Variants in FRMPD3 observed in about 807,000 individuals in gnomAD.
FRMPD3 encodes the protein FERM and PDZ domain containing 3, also known as FERM and PDZ domain-containing protein 3.
In FRMPD3, 42 loss-of-function variants were observed where a neutral mutation model predicts 97.9. The ratio of observed to expected loss-of-function variants is 0.43; its 90% CI spans 0.34 to 0.55. The LOEUF is 0.55. Ranked by LOEUF, FRMPD3 falls within the 20% of genes least tolerant of loss-of-function variation. The pLI is 0.03. For missense variants in FRMPD3, 1,303 were observed against 1,457.7 expected (o/e 0.89, Z 1.73); for synonymous variants, 577 against 581.1 (o/e 0.99, Z 0.10).
intron 14 of FRMPD3, 34 bp downstream of exon 14, chrX:107,598,176 C>G (rs769385201): frequency 2.5e-5 from 28 of 1,120,896 alleles, no homozygotes; most frequent in Non-Finnish European, 3.3e-5. Flanking sequence ...CTTTCCACCC[C>G]CTTCTCTTGT....
At chrX:107,500,265 T>C (rs189716094) in intron 1 of FRMPD3, among the ~76,000 whole-genome samples, 146 of 111,551 alleles carry the variant, frequency 1.3e-3, no homozygotes, top group Non-Finnish European at 2.4e-3. Flanking sequence ...CTAATTATTG[T>C]TGGGTGGGCC....
intron 2 of FRMPD3, among the ~76,000 whole-genome samples, chrX:107,529,953 A>G (rs925896803): frequency 1.8e-5 from 2 of 111,723 alleles, no homozygotes; most frequent in African/African-American, 6.5e-5. Context: ...TGAGTTTGGT[A>G]CCTTTTGCTA....
intron 13 of FRMPD3, among the ~76,000 whole-genome samples, chrX:107,582,091 G>GT (rs1923416297): frequency 9.0e-6 from 1 of 111,049 alleles, no homozygotes; most frequent in Non-Finnish European, 1.9e-5. Context: ...CTGCCGAATT[G>GT]TTTTTTAAAG....
intron 1 of FRMPD3, among the ~76,000 whole-genome samples, chrX:107,522,896 C>A (rs1922559257): frequency 9.4e-6 from 1 of 106,214 alleles, no homozygotes; most frequent in Non-Finnish European, 1.9e-5. Flanking sequence ...AAGCAAATAG[C>A]AGGCCTCAGA....
At chrX:107,569,260 A>T (rs1351078822) in intron 12 of FRMPD3, among the ~76,000 whole-genome samples, 1 of 100,319 alleles carries the variant, frequency 1.0e-5, no homozygotes, top group Admixed American at 1.1e-4. Flanking sequence ...GTGCCACCAC[A>T]CTACAGCCTG....
chrX:107,465,832 A>G (rs1931551131), intron 1 of FRMPD3, among the ~76,000 whole-genome samples: 1 of 110,863 alleles, frequency 9.0e-6, no homozygotes, highest in African/African-American at 3.3e-5. Flanking sequence ...GAGAGGGAAA[A>G]TACATCAAAT....
intron 1 of FRMPD3, among the ~76,000 whole-genome samples, chrX:107,478,756 A>C (rs1461294721): frequency 8.9e-6 from 1 of 112,410 alleles, no homozygotes; most frequent in Non-Finnish European, 1.9e-5. Flanking sequence ...TGGCTGGGTA[A>C]AAAGCAGCCG....
At position 107,602,070 on chromosome X, in the gene FRMPD3, G is replaced by A; in HGVS notation, c.4031G>A (p.Ser1344Asn). 1 of 1,201,353 alleles carries A rather than the reference G, an allele frequency of 8.3e-7. No individual in the cohort carries two copies. The highest frequency in any genetic ancestry group is 1.1e-6 in the Non-Finnish European group (1 of 890,475). The stretch of plus-strand genomic sequence containing the variant: ...GAGGCTGGCCCAGGCGTGAGCCTCA[G>A]CAGCCCCATCAATGTCCAGCGCATT... ...QPEAGPGVSL[S>N]SPINVQRIRS... is the part of the protein sequence containing the mutation. The change falls in exon 15 of 15, where the codon AGC becomes AAC. Residue 1344 changes from serine to asparagine, a missense_variant. Around this residue, in one of 3 missense-constraint regions of FRMPD3, gnomAD observed 764 missense variants for 820.2 expected, o/e 0.93. Transcript: ENST00000683843.
chrX:107,601,360 G>A lies in FRMPD3; in HGVS notation c.3321G>A (p.Ala1107=), dbSNP rs371578570. The A allele has an allele frequency of 2.3e-5, 28 of 1,205,023 alleles. No homozygotes were observed. Among genetic ancestry groups the A allele is most frequent in the African/African-American group, 1.9e-4 (11 of 57,115 alleles). ...QGTISSQGEK[A]QLESTPKRSK... is the part of the protein sequence containing the mutation. ...CCATCTCCAGCCAAGGGGAGAAGGCGCAGCTGGAGAGCACACCCAAAAGAA... is the reference window on the plus strand; with the variant it reads ...CCATCTCCAGCCAAGGGGAGAAGGCACAGCTGGAGAGCACACCCAAAAGAA... The change falls in exon 15 of 15, where the codon GCG becomes GCA. Residue 1107 remains alanine, a synonymous_variant. Transcript: ENST00000683843.
chrX:107,471,736 T>C (rs1483496683), intron 1 of FRMPD3, among the ~76,000 whole-genome samples: 2 of 112,422 alleles, frequency 1.8e-5, no homozygotes, highest in East Asian at 2.8e-4. Context: ...GTCTTTGCTA[T>C]TGTAAATAGT....
intron 1 of FRMPD3, among the ~76,000 whole-genome samples, chrX:107,464,133 C>T (rs1931520159): frequency 9.0e-6 from 1 of 111,061 alleles, no homozygotes; most frequent in African/African-American, 3.3e-5. Context: ...ATCCACTCTC[C>T]CCCTCAAATT....
chrX:107,597,935 C>G lies in FRMPD3; in HGVS notation c.2056C>G (p.Arg686Gly), dbSNP rs753270547. The G allele has an allele frequency of 8.3e-7, 1 of 1,210,715 alleles. No individual in the cohort carries two copies. Among genetic ancestry groups the G allele is most frequent in the Non-Finnish European group, 1.1e-6 (1 of 895,372 alleles). The change falls in exon 14 of 15, where the codon CGG (arginine) becomes GGG (glycine). Residue 686 changes from arginine to glycine, a missense_variant. By Grantham distance (125) the Arg-to-Gly change is moderately radical (BLOSUM62 -2). Around this residue, in one of 3 missense-constraint regions of FRMPD3, gnomAD observed 535 missense variants for 618.6 expected, o/e 0.86. Coordinates refer to ENST00000683843, the MANE Select transcript of FRMPD3 (RefSeq NM_001388459.1). Reference protein sequence around the residue: ...NSSDEDDPKRRAVQSQEQGRH... With the variant: ...NSSDEDDPKRGAVQSQEQGRH... ...CTCTGATGAGGATGACCCCAAGCGC[C>G]GGGCTGTCCAGAGCCAGGAACAAGG...
In FRMPD3 at chrX:107,456,317, G is replaced by A. The variant is rs1931377249; in HGVS notation, c.-8+6312G>A. On this transcript the variant is annotated intron_variant, in intron 1 of 14. Coordinates refer to ENST00000683843, the MANE Select transcript of FRMPD3 (RefSeq NM_001388459.1). ...CCCAAAGCACTGGGATGACAGGCATGAGCCACTGTGCCCAGCCTGTCTTTA... is the reference window on the plus strand; with the variant it reads ...CCCAAAGCACTGGGATGACAGGCATAAGCCACTGTGCCCAGCCTGTCTTTA... 2.7e-5 allele frequency among the ~76,000 whole-genome samples: 3 copies of A among 111,184 alleles called. No individual in the cohort carries two copies. In the South Asian group the frequency reaches 1.2e-3, roughly 44 times the overall value.
intron 5 of FRMPD3, among the ~76,000 whole-genome samples, chrX:107,547,558 C>G (rs1299727546): frequency 3.6e-5 from 4 of 111,862 alleles, no homozygotes; most frequent in African/African-American, 9.8e-5. Context: ...GACAGGCCAC[C>G]AGGCATAGTG....
At chrX:107,451,949 T>A (rs1931299428) in intron 1 of FRMPD3, among the ~76,000 whole-genome samples, 1 of 111,632 alleles carries the variant, frequency 9.0e-6, no homozygotes. Flanking sequence ...TGCTCAGGGC[T>A]CCTCTGGGTC....
intron 1 of FRMPD3, among the ~76,000 whole-genome samples, chrX:107,459,379 T>G (rs902457545): frequency 1.8e-5 from 2 of 112,137 alleles, no homozygotes; most frequent in African/African-American, 6.5e-5. Flanking sequence ...TGTGCCAGAG[T>G]ATGGCAAGAG....
intron 8 of FRMPD3, among the ~76,000 whole-genome samples, chrX:107,557,549 A>T (rs1922128789): frequency 9.2e-6 from 1 of 108,217 alleles, no homozygotes; most frequent in South Asian, 4.1e-4. Flanking sequence ...ACCCAAGGTT[A>T]CAAGAATTTT....
rs903351722 is a variant in FRMPD3, at chrX:107,451,167, C to G, written c.-8+1162C>G. ...CCGAATTCTGCTAGACCTGCCCCTC[C>G]CCTTGGCATCTTGGTCCAGGTGCAA... On this transcript the variant is annotated intron_variant, in intron 1 of 14. Coordinates refer to ENST00000683843, the MANE Select transcript of FRMPD3 (RefSeq NM_001388459.1). 2.7e-5 allele frequency among the ~76,000 whole-genome samples: 3 copies of G among 112,291 alleles called. No individual in the cohort carries two copies. The Admixed American group carries it at 2.8e-4, about 11-fold the overall frequency.
chrX:107,490,675 C>G (rs1921636369), intron 1 of FRMPD3, among the ~76,000 whole-genome samples: 1 of 111,966 alleles, frequency 8.9e-6, no homozygotes, highest in African/African-American at 3.3e-5. Context: ...TGTGCTGAAT[C>G]AAGAACTTCT....
Sources: gnomAD v4.1 joint callset for allele counts (sites outside exome capture counted in the v4.1 genomes callset) on GRCh38, gnomAD v4.1.1 for gene constraint, gnomAD v4.1.1 regional missense constraint, MANE v1.5 for transcripts, NCBI Gene and HGNC (gene_info 2026-07-23, HGNC 2026-07-21) for gene names.